The following COMMD1 variants were observed in gnomAD, a reference collection of about 807,000 sequenced individuals.
COMMD1 encodes the protein copper metabolism domain containing 1.
In COMMD1, 10 loss-of-function variants were observed where a neutral mutation model predicts 17.2. That is an observed-to-expected ratio of 0.58 (90% CI 0.36 to 0.99). The LOEUF is 0.99. COMMD1 is among the 50% of genes least tolerant of loss of function. The pLI is 0.01. For synonymous variants in COMMD1, 97 were observed against 91.6 expected (o/e 1.06, Z -0.34); for missense variants, 270 against 231.8 (o/e 1.17, Z -1.07).
chr2:61,902,082 T>C (rs368854770), upstream of COMMD1, among the ~76,000 whole-genome samples: 2 of 152,006 alleles, frequency 1.3e-5, no homozygotes, highest in East Asian at 2.0e-4. Context: ...CCACCCACCT[T>C]GGCCTCCCAA....
intron 2 of COMMD1, among the ~76,000 whole-genome samples, chr2:62,088,007 A>G (rs1193175769): frequency 6.6e-6 from 1 of 152,220 alleles, no homozygotes; most frequent in Admixed American, 6.5e-5. Flanking sequence ...GGCAAAAGTC[A>G]TGAATAACAT....
chr2:62,043,315 C>G (rs1670291369), intron 2 of COMMD1, among the ~76,000 whole-genome samples: 1 of 152,188 alleles, frequency 6.6e-6, no homozygotes. Flanking sequence ...ATTGCTATTT[C>G]ATATTTCTTT....
intron 2 of COMMD1, among the ~76,000 whole-genome samples, chr2:62,041,981 C>G (rs772561294): frequency 5.9e-5 from 9 of 152,364 alleles, no homozygotes; most frequent in Non-Finnish European, 1.2e-4. Flanking sequence ...CTTGCCGCTG[C>G]TGGCTCTGGT....
At chr2:62,045,461 G>A (rs1356392773) in intron 2 of COMMD1, among the ~76,000 whole-genome samples, 1 of 151,934 alleles carries the variant, frequency 6.6e-6, no homozygotes, top group Non-Finnish European at 1.5e-5. Flanking sequence ...TCCTATTCTT[G>A]TGGCCTTTGA....
chr2:61,990,877 CAA>C (rs139284456), intron 1 of COMMD1, among the ~76,000 whole-genome samples: 27,729 of 110,974 alleles, frequency 0.25, 3,814 homozygotes, highest in East Asian at 0.4. Context: ...TCTGTCTTTA[CAA>C]AAAAAAAAAA....
intron 2 of COMMD1, among the ~76,000 whole-genome samples, chr2:62,130,380 T>G (rs1261828349): frequency 6.6e-6 from 1 of 151,990 alleles, no homozygotes; most frequent in Non-Finnish European, 1.5e-5. Context: ...GTTCAAGTGA[T>G]TCTCCTGCGT....
At chr2:61,979,582 C>T (rs1671900503) in intron 1 of COMMD1, among the ~76,000 whole-genome samples, 1 of 152,068 alleles carries the variant, frequency 6.6e-6, no homozygotes, top group African/African-American at 2.4e-5. Flanking sequence ...ATCTGCACTC[C>T]CATGTGAGCC....
intron 1 of COMMD1, among the ~76,000 whole-genome samples, chr2:61,956,426 T>C (rs1164854801): frequency 6.6e-6 from 1 of 152,080 alleles, no homozygotes; most frequent in African/African-American, 2.4e-5. Flanking sequence ...TTTTTTTTTT[T>C]GGAGATGGAG....
chr2:62,025,021 G>A (rs1669717841), intron 2 of COMMD1, among the ~76,000 whole-genome samples: 1 of 152,150 alleles, frequency 6.6e-6, no homozygotes, highest in African/African-American at 2.4e-5. Context: ...GAGGTCAGGA[G>A]TTCAAGACCA....
chr2:62,014,762 A>G (rs986199673), intron 2 of COMMD1, among the ~76,000 whole-genome samples: 1 of 151,642 alleles, frequency 6.6e-6, no homozygotes, highest in South Asian at 2.1e-4. Context: ...GGGTGTCACC[A>G]TATTGGCTTG....
At chr2:62,033,772 C>T (rs1404033970) in intron 2 of COMMD1, among the ~76,000 whole-genome samples, 1 of 152,044 alleles carries the variant, frequency 6.6e-6, no homozygotes, top group East Asian at 1.9e-4. Flanking sequence ...GGTGTGACTG[C>T]CCACCTTGTC....
At chr2:61,974,537 G>A (rs927598330) in intron 1 of COMMD1, among the ~76,000 whole-genome samples, 2 of 151,806 alleles carry the variant, frequency 1.3e-5, no homozygotes, top group African/African-American at 2.4e-5. Flanking sequence ...GCTGGGCATG[G>A]TGGCAGGCGC....
At chr2:62,080,976 T>C (rs1171944700) in intron 2 of COMMD1, among the ~76,000 whole-genome samples, 1 of 152,138 alleles carries the variant, frequency 6.6e-6, no homozygotes. Context: ...AAGATGTTTC[T>C]ACTTTGTTGT....
At chr2:62,114,193 C>T (rs553251800) in intron 2 of COMMD1, among the ~76,000 whole-genome samples, 1 of 152,122 alleles carries the variant, frequency 6.6e-6, no homozygotes, top group African/African-American at 2.4e-5. Flanking sequence ...TCCCAAATCT[C>T]GAGGTGGGTT....
At chr2:62,131,879 A>AAC (rs749225382) in intron 2 of COMMD1, among the ~76,000 whole-genome samples, 29 of 139,546 alleles carry the variant, frequency 2.1e-4, no homozygotes, top group East Asian at 4.2e-4. Context: ...CACACACACA[A>AAC]ACACACACAC....
chr2:61,989,482 A>C (rs1214441182), intron 1 of COMMD1, among the ~76,000 whole-genome samples: 1 of 136,742 alleles, frequency 7.3e-6, no homozygotes. Flanking sequence ...TTTTTTTTTG[A>C]GACAGAGTTT....
upstream of COMMD1, chr2:61,888,590 C>T (rs1572931444): frequency 4.8e-6 from 7 of 1,473,562 alleles, no homozygotes; most frequent in East Asian, 1.2e-4. Flanking sequence ...TAACGGTAAG[C>T]CCTCACTGCC....
chr2:62,043,902 T>C (rs1253288247), intron 2 of COMMD1, among the ~76,000 whole-genome samples: 1 of 152,228 alleles, frequency 6.6e-6, no homozygotes, highest in East Asian at 1.9e-4. Context: ...CCTGATGCTA[T>C]GTCAGTTTAT....
intron 1 of COMMD1, among the ~76,000 whole-genome samples, chr2:62,000,270 ATTT>A (rs370727672): frequency 6.3e-5 from 8 of 127,258 alleles, no homozygotes; most frequent in Admixed American, 1.6e-4. Context: ...ATTTCAGTGA[ATTT>A]TTTTTTTTTT....
Sources: gnomAD v4.1 joint callset for allele counts (sites outside exome capture counted in the v4.1 genomes callset) on GRCh38, gnomAD v4.1.1 for gene constraint, MANE v1.5 for transcripts, NCBI Gene and HGNC (gene_info 2026-07-23, HGNC 2026-07-21) for gene names.